Variants in NCKAP5 observed in about 807,000 individuals in gnomAD.
The protein encoded by NCKAP5 is NCK associated protein 5.
A neutral mutation model predicts 167.0 loss-of-function variants in NCKAP5; 92 were observed. The observed-to-expected ratio is 0.55, with a 90% CI of 0.47 to 0.66. The LOEUF (loss-of-function observed/expected upper bound fraction) is 0.66, where lower values mean the gene tolerates loss of function less well. NCKAP5 is among the 30% of genes least tolerant of loss of function. The pLI is 0.00. For missense variants in NCKAP5, 2,378 were observed against 2,315.0 expected, an observed-to-expected ratio of 1.03 and a Z score of -0.56; for synonymous variants, 891 against 877.4, an observed-to-expected ratio of 1.02 and a Z score of -0.27.
At chr2:132,768,127 A>G (rs1367644754) in intron 16 of NCKAP5, among the ~76,000 whole-genome samples, 2 of 152,010 alleles carry the variant, frequency 1.3e-5, no homozygotes, top group African/African-American at 2.4e-5. Context: ...GTTGTTTTCA[A>G]CTCTTTTAAG....
chr2:132,981,209 G>A (rs888387855), intron 7 of NCKAP5, among the ~76,000 whole-genome samples: 1 of 152,128 alleles, frequency 6.6e-6, no homozygotes, highest in Non-Finnish European at 1.5e-5. Flanking sequence ...TTGGCTCTTC[G>A]TTTAAACAAA....
intron 6 of NCKAP5, among the ~76,000 whole-genome samples, chr2:133,061,456 A>C: frequency 6.6e-6 from 1 of 152,164 alleles, no homozygotes; most frequent in East Asian, 1.9e-4. Flanking sequence ...TGTACAATAA[A>C]CCCCTATGAC....
intron 5 of NCKAP5, among the ~76,000 whole-genome samples, chr2:133,184,625 T>A (rs2084868397): frequency 6.6e-6 from 1 of 152,094 alleles, no homozygotes; most frequent in Admixed American, 6.6e-5. Context: ...CCCTCCAACA[T>A]CTGTTATTTT....
chr2:133,505,372 CAT>C (rs143893267), intron 3 of NCKAP5, among the ~76,000 whole-genome samples: 2 of 150,952 alleles, frequency 1.3e-5, no homozygotes, highest in African/African-American at 2.4e-5. Flanking sequence ...TTTTAAACAT[CAT>C]ATATATATAT....
At chr2:133,340,877 C>A (rs965526189) in intron 3 of NCKAP5, among the ~76,000 whole-genome samples, 1 of 152,170 alleles carries the variant, frequency 6.6e-6, no homozygotes, top group African/African-American at 2.4e-5. Flanking sequence ...TTTTCTTCCT[C>A]ATCTCAGCAG....
At chr2:132,767,824 G>A (rs1337426233) in intron 16 of NCKAP5, among the ~76,000 whole-genome samples, 1 of 152,210 alleles carries the variant, frequency 6.6e-6, no homozygotes, top group Admixed American at 6.5e-5. Flanking sequence ...AGCCCCCTCC[G>A]GGGAAGAATG....
intron 13 of NCKAP5, among the ~76,000 whole-genome samples, chr2:132,789,652 A>G (rs1313558006): frequency 6.6e-6 from 1 of 152,244 alleles, no homozygotes; most frequent in Non-Finnish European, 1.5e-5. Context: ...ATCAGTGTAC[A>G]AAGACGTCTG....
intron 6 of NCKAP5, among the ~76,000 whole-genome samples, chr2:133,003,424 G>T (rs2077855361): frequency 2.0e-5 from 3 of 152,094 alleles, no homozygotes. Context: ...GAAAATGTTG[G>T]TTTAGAACTG....
chr2:132,956,541 A>T (rs1376704981), intron 8 of NCKAP5, among the ~76,000 whole-genome samples: 1 of 152,142 alleles, frequency 6.6e-6, no homozygotes, highest in Admixed American at 6.6e-5. Flanking sequence ...CTCCCGCATC[A>T]TCGATTTCGC....
In NCKAP5 at chr2:133,130,110, T is replaced by G; in HGVS notation, c.209A>C (p.His70Pro). Reference protein sequence around the residue: ...VAQRTSEGAMHEKLIHELEEE... With the variant: ...VAQRTSEGAMPEKLIHELEEE... ...TTCCAGTTCATGTATCAGCTTCTCA[T>G]GCTATAAAAGACACAAAGGGGATGA... The change falls in exon 6 of 20, where the codon CAT (histidine) becomes CCT (proline). Residue 70 changes from histidine (H) to proline (P), a missense_variant and splice_region_variant. This residue lies in a region of NCKAP5 where 1,049 missense variants were observed against 1,023.4 expected (regional missense o/e 1.02). Coordinates refer to ENST00000409261, the MANE Select transcript of NCKAP5 (RefSeq NM_207363.3). The G allele has an allele frequency of 6.2e-7, 1 of 1,608,038 alleles. No individual in the cohort carries two copies. Among genetic ancestry groups the G allele is most frequent in the African/African-American group, 1.3e-5 (1 of 74,658 alleles).
chr2:132,878,661 CAT>C (rs1393588231), intron 9 of NCKAP5, among the ~76,000 whole-genome samples, 185 bp downstream of exon 9: 19 of 147,620 alleles, frequency 1.3e-4, no homozygotes, highest in African/African-American at 4.5e-4. Context: ...CACACGCACG[CAT>C]ACACACACAC....
In NCKAP5 at chr2:132,782,779, G is replaced by T; in HGVS notation, c.4032C>A (p.His1344Gln). ...CCAGGGAGCCCTTCCCGGAGGAGGGGTGCCCCGAGGGCCTCCCAACACTGG... is the reference window on the plus strand; with the variant it reads ...CCAGGGAGCCCTTCCCGGAGGAGGGTTGCCCCGAGGGCCTCCCAACACTGG... ...SLPSVGRPSGHPSSGKGSLGS... is the reference protein window; with the variant it reads ...SLPSVGRPSGQPSSGKGSLGS... Residue 1344 changes from histidine (H) to glutamine (Q), a missense_variant, in exon 14 of 20, where the codon CAC becomes CAA. Coordinates refer to ENST00000409261, the MANE Select transcript of NCKAP5 (RefSeq NM_207363.3). 6.2e-7 allele frequency: 1 copy of T among 1,613,870 alleles called. No individual in the cohort carries two copies. The highest frequency in any genetic ancestry group is 1.1e-5 in the South Asian group (1 of 91,076).
chr2:133,011,308 C>T (rs891269664), intron 6 of NCKAP5, among the ~76,000 whole-genome samples: 3 of 152,204 alleles, frequency 2.0e-5, no homozygotes, highest in South Asian at 2.1e-4. Context: ...AGTACCTACG[C>T]TATACAGATG....
At chr2:133,608,304 T>C in the NCKAP5 span, among the ~76,000 whole-genome samples, 6 of 152,352 alleles carry the variant, frequency 3.9e-5, no homozygotes, top group East Asian at 1.2e-3. Context: ...TTCATTCTGC[T>C]TAAGTCCTGT....
intron 11 of NCKAP5, among the ~76,000 whole-genome samples, chr2:132,859,383 G>T (rs1456793375): frequency 1.3e-5 from 2 of 151,966 alleles, no homozygotes; most frequent in African/African-American, 4.8e-5. Flanking sequence ...ACACAGTCTG[G>T]ATCATTTGGA....
At chr2:133,489,560 T>C (rs1191437884) in intron 3 of NCKAP5, among the ~76,000 whole-genome samples, 2 of 152,222 alleles carry the variant, frequency 1.3e-5, no homozygotes, top group Non-Finnish European at 2.9e-5. Flanking sequence ...AATAGAATCA[T>C]AGGATTTTTA....
At chr2:132,720,662 A>G (rs566360380) in intron 19 of NCKAP5, among the ~76,000 whole-genome samples, 1 of 152,222 alleles carries the variant, frequency 6.6e-6, no homozygotes, top group East Asian at 1.9e-4. Context: ...AGCTTCCTAG[A>G]AGCTATGGAG....
At chr2:133,420,137 T>TA (rs1559470802) in intron 3 of NCKAP5, among the ~76,000 whole-genome samples, 1 of 152,222 alleles carries the variant, frequency 6.6e-6, no homozygotes, top group African/African-American at 2.4e-5. Context: ...ATTAAAAAGA[T>TA]AGACACATTT....
chr2:132,993,705 C>T (rs2077509625), intron 7 of NCKAP5, among the ~76,000 whole-genome samples: 1 of 152,178 alleles, frequency 6.6e-6, no homozygotes, highest in Non-Finnish European at 1.5e-5. Flanking sequence ...CTAGGTGTCC[C>T]TTCTACCTGG....
Sources: gnomAD v4.1 joint callset for allele counts (sites outside exome capture counted in the v4.1 genomes callset) on GRCh38, gnomAD v4.1.1 for gene constraint, gnomAD v4.1.1 regional missense constraint, MANE v1.5 for transcripts, NCBI Gene and HGNC (gene_info 2026-07-23, HGNC 2026-07-21) for gene names.